BAZ2B: variants seen among roughly 807,000 people sequenced by gnomAD.
The protein encoded by BAZ2B is bromodomain adjacent to zinc finger domain protein 2B.
BAZ2B carries 91 observed loss-of-function variants against 246.0 expected under a neutral mutation model. The ratio of observed to expected loss-of-function variants is 0.37; its 90% CI spans 0.31 to 0.44. The LOEUF is 0.44. Among genes scored for constraint, BAZ2B ranks in the 20% least tolerant of loss-of-function variants. The pLI, the probability that BAZ2B is intolerant of heterozygous loss-of-function variation, is 1.00. For synonymous variants in BAZ2B, 855 were observed against 860.0 expected (o/e 0.99, Z 0.10); for missense variants, 2,332 against 2,533.7 (o/e 0.92, Z 1.71).
intron 1 of BAZ2B, among the ~76,000 whole-genome samples, chr2:159,599,935 C>CAAAAAAAAAAAAAAAAAAAAAAAA (rs11303439): frequency 9.8e-6 from 1 of 101,608 alleles, no homozygotes; most frequent in Non-Finnish European, 1.9e-5. Flanking sequence ...GACTCCTTCT[C>CAAAAAAAAAAAAAAAAAAAAAAAA]AAAAAAAAAA....
chr2:159,585,427 A>T (rs1447865161), intron 1 of BAZ2B, among the ~76,000 whole-genome samples: 1 of 152,188 alleles, frequency 6.6e-6, no homozygotes, highest in Non-Finnish European at 1.5e-5. Context: ...ACAGACACAT[A>T]AAAAAATATG....
chr2:159,559,089 A>G (rs1340524004), intron 1 of BAZ2B, among the ~76,000 whole-genome samples: 3 of 152,162 alleles, frequency 2.0e-5, no homozygotes, highest in Non-Finnish European at 4.4e-5. Context: ...AAAATAGAAA[A>G]ATTGGCAAGA....
chr2:159,602,520 G>C (rs1692399967), intron 1 of BAZ2B, among the ~76,000 whole-genome samples: 1 of 152,076 alleles, frequency 6.6e-6, no homozygotes, highest in Admixed American at 6.6e-5. Context: ...TATTTATGCT[G>C]TAGGAAGTTA....
rs1218655202 is a variant in BAZ2B at position 159,450,900 on chromosome 2, T to C, written c.335-2491A>G. Among the ~76,000 whole-genome samples, 6 of 152,082 alleles carry C rather than the reference T, an allele frequency of 3.9e-5. No individual in the cohort carries two copies. In the East Asian group the frequency reaches 1.2e-3, roughly 29 times the overall value. On this transcript the variant is annotated intron_variant, in intron 4 of 36. Coordinates refer to ENST00000392783, the MANE Select transcript of BAZ2B (RefSeq NM_013450.4). The stretch of plus-strand genomic sequence containing the variant: ...GATTACAGGCATGCACAACCATGCC[T>C]GGCTAATTTTTGTAGTTTTGGTAGA...
chr2:159,347,125 C>G (rs1251017132), intron 31 of BAZ2B, among the ~76,000 whole-genome samples: 2 of 152,092 alleles, frequency 1.3e-5, no homozygotes, highest in Non-Finnish European at 2.9e-5. Context: ...AATATTTGTA[C>G]TAGATCATCA....
chr2:159,615,795 A>AG (rs1695922187), intron 1 of BAZ2B: 1 of 152,430 alleles, frequency 6.6e-6, no homozygotes. Flanking sequence ...GAAGGGGAAG[A>AG]GGAAGGAGAC....
the BAZ2B span, among the ~76,000 whole-genome samples, chr2:159,702,104 G>A: frequency 1.3e-5 from 2 of 151,946 alleles, no homozygotes; most frequent in South Asian, 4.1e-4. Flanking sequence ...TGCCAATTTT[G>A]TTCTGACAAA....
At chr2:159,599,019 G>C (rs1232037953) in intron 1 of BAZ2B, among the ~76,000 whole-genome samples, 1 of 151,270 alleles carries the variant, frequency 6.6e-6, no homozygotes, top group Non-Finnish European at 1.5e-5. Context: ...AGGGAGGGAG[G>C]ATCACTTGAG....
the BAZ2B span, among the ~76,000 whole-genome samples, chr2:159,640,808 T>C: frequency 6.7e-5 from 10 of 149,426 alleles, no homozygotes; most frequent in African/African-American, 2.5e-4. Flanking sequence ...CTCAGCATCA[T>C]AAGACAGGAT....
chr2:159,327,710 T>C (rs1016776918), intron 34 of BAZ2B, among the ~76,000 whole-genome samples: 26 of 152,254 alleles, frequency 1.7e-4, no homozygotes, highest in Non-Finnish European at 5.9e-5. Flanking sequence ...ATTTAGTTTC[T>C]ATTTGAACTA....
At chr2:159,416,220 T>C (rs1350517385) in intron 13 of BAZ2B, among the ~76,000 whole-genome samples, 2 of 152,252 alleles carry the variant, frequency 1.3e-5, no homozygotes, top group African/African-American at 4.8e-5. Context: ...CTTTCAGTAA[T>C]TCTTATCTTA....
chr2:159,360,352 C>T (rs1363000127), intron 27 of BAZ2B, among the ~76,000 whole-genome samples: 1 of 152,134 alleles, frequency 6.6e-6, no homozygotes, highest in East Asian at 1.9e-4. Context: ...CTCCCATTCA[C>T]AATTGCTACA....
At chr2:159,372,998 T>G in intron 27 of BAZ2B, 47 bp downstream of exon 27, 2 of 1,540,588 alleles carry the variant, frequency 1.3e-6, no homozygotes, top group Non-Finnish European at 1.8e-6. Flanking sequence ...AGTTTTAAAA[T>G]ATATAGTTTC....
intron 25 of BAZ2B, among the ~76,000 whole-genome samples, chr2:159,378,925 T>A (rs2061691382): frequency 1.3e-5 from 2 of 152,112 alleles, no homozygotes; most frequent in African/African-American, 4.8e-5. Context: ...GTAACCACTA[T>A]GGAAAACACT....
chr2:159,614,183 G>T (rs765673707), intron 1 of BAZ2B, among the ~76,000 whole-genome samples: 10 of 152,152 alleles, frequency 6.6e-5, no homozygotes, highest in Non-Finnish European at 1.5e-4. Flanking sequence ...ACTAGTCAGT[G>T]TATCATTAAG....
At chr2:159,622,889 C>G in the BAZ2B span, among the ~76,000 whole-genome samples, 1 of 150,066 alleles carries the variant, frequency 6.7e-6, no homozygotes. Flanking sequence ...CCCAGCTATT[C>G]GAAGCCTGGG....
At chr2:159,391,777 T>C (rs1249881454) in intron 20 of BAZ2B, among the ~76,000 whole-genome samples, 1 of 73,682 alleles carries the variant, frequency 1.4e-5, no homozygotes, top group Non-Finnish European at 5.3e-5. Context: ...AAAAGTCATA[T>C]CGATATTTAT....
In BAZ2B at chr2:159,469,661, G is replaced by A. The variant is rs368994460; in HGVS notation, c.145+8914C>T. On this transcript the variant is annotated intron_variant, in intron 3 of 36. Transcript: ENST00000392783. ...TCATCATGTTGGCGAGGCAGGTCTC[G>A]AACTCCTGACCTCAAGTGACCTGCC... 5.9e-5 allele frequency among the ~76,000 whole-genome samples: 9 copies of A among 151,960 alleles called. No homozygotes were observed. The East Asian group carries it at 1.2e-3, about 20-fold the overall frequency.
In BAZ2B at chr2:159,398,747, A is replaced by C. The variant is rs944229919; in HGVS notation, c.2964+82T>G. ...TCAGATAGTCATTTTGAAGAAAGCTATTTTTTCATATAACTGATGCCAGTA... is the reference window on the plus strand; with the variant it reads ...TCAGATAGTCATTTTGAAGAAAGCTCTTTTTTCATATAACTGATGCCAGTA... On this transcript the variant is annotated intron_variant, in intron 18 of 36. Transcript: ENST00000392783. The C allele has an allele frequency of 5.4e-6, 7 of 1,289,032 alleles. No individual in the cohort carries two copies. In the East Asian group the frequency reaches 1.7e-4, roughly 31 times the overall value. The allele number at this position is 1,289,032 out of a possible 1,614,324, so 79.8% of individuals were successfully genotyped here.
Sources: gnomAD v4.1 joint callset for allele counts (sites outside exome capture counted in the v4.1 genomes callset) on GRCh38, gnomAD v4.1.1 for gene constraint, MANE v1.5 for transcripts, NCBI Gene and HGNC (gene_info 2026-07-23, HGNC 2026-07-21) for gene names.